NCK1: variants seen among roughly 807,000 people sequenced by gnomAD.
The protein encoded by NCK1 is NCK adaptor protein 1.
In NCK1, 19 loss-of-function variants were observed where a neutral mutation model predicts 36.6. The ratio of observed to expected loss-of-function variants is 0.52; its 90% CI spans 0.36 to 0.76. NCK1 has a LOEUF of 0.76. Among genes scored for constraint, NCK1 ranks in the 30% least tolerant of loss-of-function variants. NCK1 has a pLI of 0.00. For missense variants in NCK1, 358 were observed against 445.6 expected (o/e 0.80, Z 1.77); for synonymous variants, 165 against 156.0 (o/e 1.06, Z -0.43).
intron 1 of NCK1, among the ~76,000 whole-genome samples, chr3:136,878,840 G>A (rs1467375076): frequency 6.6e-6 from 1 of 152,068 alleles, no homozygotes; most frequent in Non-Finnish European, 1.5e-5. Context: ...AGACACAATT[G>A]GAGGTCAAGC....
At chr3:136,902,741 G>T (rs983131262) in intron 1 of NCK1, among the ~76,000 whole-genome samples, 1 of 151,638 alleles carries the variant, frequency 6.6e-6, no homozygotes. Flanking sequence ...AAAAGAAAAG[G>T]CATCCAAATT....
At chr3:136,890,856 A>G (rs1939224402) in intron 1 of NCK1, among the ~76,000 whole-genome samples, 1 of 152,090 alleles carries the variant, frequency 6.6e-6, no homozygotes, top group Non-Finnish European at 1.5e-5. Context: ...TGCCACCTGA[A>G]ACTCTGTACC....
intron 1 of NCK1, among the ~76,000 whole-genome samples, chr3:136,873,264 A>G (rs1042364391): frequency 1.2e-4 from 19 of 152,164 alleles, no homozygotes; most frequent in African/African-American, 4.6e-4. Flanking sequence ...TGGATGTGAG[A>G]CATGGAGTCA....
rs534573846 is a variant in NCK1 at position 136,925,017 on chromosome 3, C to T, written c.-18-2967C>T. ...AAAAATTAGGGGGATAGCTGAACCA[C>T]AAGGCATAATATTGATAAAATTGGG... On this transcript the variant is annotated intron_variant, in intron 1 of 3. Transcript: ENST00000481752. 1.7e-3 allele frequency among the ~76,000 whole-genome samples: 259 copies of T among 152,180 alleles called. 1 individual carries two copies. The highest frequency in any genetic ancestry group is 6.1e-3 in the African/African-American group (253 of 41,516).
chr3:136,910,839 A>T (rs1281597522), intron 1 of NCK1, among the ~76,000 whole-genome samples: 2 of 152,172 alleles, frequency 1.3e-5, no homozygotes, highest in Non-Finnish European at 2.9e-5. Flanking sequence ...ATTAATACTG[A>T]CTGGAATCAC....
intron 1 of NCK1, among the ~76,000 whole-genome samples, chr3:136,882,439 C>T (rs1938966312): frequency 6.6e-6 from 1 of 152,174 alleles, no homozygotes; most frequent in Non-Finnish European, 1.5e-5. Flanking sequence ...CACACAGCAG[C>T]ACACAACAGC....
intron 1 of NCK1, among the ~76,000 whole-genome samples, chr3:136,863,127 TG>T (rs1158945584): frequency 2.0e-5 from 3 of 152,140 alleles, no homozygotes; most frequent in Non-Finnish European, 1.5e-5. Context: ...GTCAAACTGA[TG>T]GACCCGGAGT....
chr3:136,916,604 A>G (rs961578360), intron 1 of NCK1, among the ~76,000 whole-genome samples: 1 of 152,334 alleles, frequency 6.6e-6, no homozygotes, highest in Non-Finnish European at 1.5e-5. Context: ...TGGGGAAATT[A>G]TAGTCAGTGT....
intron 2 of NCK1, among the ~76,000 whole-genome samples, chr3:136,932,292 A>T (rs958334350): frequency 5.9e-5 from 9 of 152,148 alleles, no homozygotes; most frequent in African/African-American, 9.7e-5. Context: ...TTCTTTGCTC[A>T]ATCCCTGCAG....
intron 1 of NCK1, among the ~76,000 whole-genome samples, chr3:136,867,800 C>T (rs1001246314): frequency 2.0e-5 from 3 of 152,178 alleles, no homozygotes; most frequent in Non-Finnish European, 4.4e-5. Flanking sequence ...TGAAACCATA[C>T]TACTTCTCAT....
At chr3:136,876,442 A>G (rs1251840696) in intron 1 of NCK1, among the ~76,000 whole-genome samples, 1 of 152,182 alleles carries the variant, frequency 6.6e-6, no homozygotes, top group Non-Finnish European at 1.5e-5. Context: ...AATCAAATAG[A>G]CACAATAAAA....
chr3:136,880,884 C>T (rs1452108611), intron 1 of NCK1, among the ~76,000 whole-genome samples: 13 of 152,104 alleles, frequency 8.5e-5, no homozygotes, highest in African/African-American at 2.7e-4. Flanking sequence ...GTGGGGATTA[C>T]GGGTGTTAGG....
At chr3:136,874,858 G>A (rs1938722559) in intron 1 of NCK1, among the ~76,000 whole-genome samples, 1 of 152,012 alleles carries the variant, frequency 6.6e-6, no homozygotes, top group South Asian at 2.1e-4. Flanking sequence ...TTCTAGGTTG[G>A]AAATAATTTG....
intron 2 of NCK1, among the ~76,000 whole-genome samples, chr3:136,942,955 C>T (rs190153935): frequency 7.2e-4 from 110 of 152,304 alleles, no homozygotes; most frequent in Admixed American, 2.7e-3. Context: ...CCCACAATCA[C>T]AATTGTTTAA....
At chr3:136,928,674 C>G (rs1940310736) in intron 2 of NCK1, 1 of 160,182 alleles carries the variant, frequency 6.2e-6, no homozygotes, top group Non-Finnish European at 1.4e-5. Context: ...TGGATCATTA[C>G]TGTACATTAG....
At chr3:136,874,683 T>G (rs1022724462) in intron 1 of NCK1, among the ~76,000 whole-genome samples, 6 of 152,222 alleles carry the variant, frequency 3.9e-5, no homozygotes, top group African/African-American at 1.4e-4. Context: ...GTTAAATCTT[T>G]TTTTTCCCTT....
chr3:136,935,371 GT>G (rs1351357026), intron 2 of NCK1, among the ~76,000 whole-genome samples: 3 of 151,642 alleles, frequency 2.0e-5, no homozygotes, highest in Non-Finnish European at 2.9e-5. Flanking sequence ...GTATTTTCAG[GT>G]TTAACTTTTT....
chr3:136,872,306 C>A (rs573487999), intron 1 of NCK1, among the ~76,000 whole-genome samples: 80 of 152,250 alleles, frequency 5.3e-4, no homozygotes, highest in African/African-American at 1.8e-3. Context: ...TATGTTTTAG[C>A]AAAGAAACTG....
chr3:136,888,493 C>T (rs1939133624), intron 1 of NCK1, among the ~76,000 whole-genome samples: 1 of 151,766 alleles, frequency 6.6e-6, no homozygotes, highest in South Asian at 2.1e-4. Context: ...ACCTCTGCCT[C>T]CCAGGTTTAA....
Sources: allele counts gnomAD v4.1 joint callset (sites outside exome capture counted in the v4.1 genomes callset), GRCh38; gene constraint gnomAD v4.1.1; transcripts MANE v1.5; gene names NCBI Gene and HGNC (gene_info 2026-07-23, HGNC 2026-07-21).